The following PRKN variants were observed in gnomAD, a reference collection of about 807,000 sequenced individuals.
PRKN encodes parkin RBR E3 ubiquitin protein ligase.
Under a neutral mutation model 59.5 loss-of-function variants are expected in PRKN, and 56 were observed. That is an observed-to-expected ratio of 0.94 (90% CI 0.76 to 1.18). The LOEUF is 1.18. Ranked by LOEUF, PRKN falls within the 50% of genes most tolerant of loss-of-function variation. The pLI is 0.00. For synonymous variants in PRKN, 250 were observed against 222.1 expected, an observed-to-expected ratio of 1.13 and a Z score of -1.12; for missense variants, 657 against 596.4, an observed-to-expected ratio of 1.10 and a Z score of -1.06.
chr6:161,913,174 A>G (rs1444373538), intron 6 of PRKN, among the ~76,000 whole-genome samples: 6 of 150,914 alleles, frequency 4.0e-5, no homozygotes, highest in African/African-American at 1.5e-4. Flanking sequence ...TCTCAGGAAA[A>G]AAAAAAAAAA....
intron 6 of PRKN, among the ~76,000 whole-genome samples, chr6:161,848,422 G>A (rs986436166): frequency 3.3e-5 from 5 of 152,148 alleles, no homozygotes; most frequent in African/African-American, 1.2e-4. Flanking sequence ...AAATCAAAAT[G>A]TGTCTCTCTA....
At chr6:161,787,806 C>T (rs1293905302) in intron 6 of PRKN, among the ~76,000 whole-genome samples, 1 of 152,148 alleles carries the variant, frequency 6.6e-6, no homozygotes, top group Non-Finnish European at 1.5e-5. Context: ...ATTAGCCCGG[C>T]GTGGTGGCGG....
chr6:162,060,067 C>A (rs566041709), intron 4 of PRKN, among the ~76,000 whole-genome samples: 5 of 152,358 alleles, frequency 3.3e-5, no homozygotes, highest in Middle Eastern at 3.4e-3. Flanking sequence ...ATCACGTTTA[C>A]TGTCGGGCCC....
intron 1 of PRKN, among the ~76,000 whole-genome samples, chr6:162,582,488 T>TA (rs1409246017): frequency 6.6e-6 from 1 of 152,180 alleles, no homozygotes; most frequent in Non-Finnish European, 1.5e-5. Context: ...GTCATATAGA[T>TA]AGCCTAAGGG....
chr6:161,532,226 C>T lies in PRKN; in HGVS notation c.1083+16628G>A, dbSNP rs536471704. ...ATGTGTCTATAAGTACAAGATGCTT[C>T]TTGCAGAAAAATTTGCCTAGAGACT... On this transcript the variant is annotated intron_variant, in intron 9 of 11. Coordinates refer to ENST00000366898, the MANE Select transcript of PRKN (RefSeq NM_004562.3). 2.7e-5 allele frequency among the ~76,000 whole-genome samples: 4 copies of T among 150,564 alleles called. No individual in the cohort carries two copies. The East Asian group carries it at 7.8e-4, about 29-fold the overall frequency.
chr6:162,510,686 G>A (rs1334187817), intron 1 of PRKN, among the ~76,000 whole-genome samples: 1 of 152,134 alleles, frequency 6.6e-6, no homozygotes, highest in Non-Finnish European at 1.5e-5. Context: ...ACTTTGGGAG[G>A]CCGGGCGAGC....
chr6:162,222,465 G>A (rs533098251), intron 3 of PRKN, among the ~76,000 whole-genome samples: 1 of 152,290 alleles, frequency 6.6e-6, no homozygotes, highest in East Asian at 1.9e-4. Context: ...TCAGGGCATT[G>A]CAGGAGCCTC....
At chr6:161,910,342 C>G (rs1042269888) in intron 6 of PRKN, among the ~76,000 whole-genome samples, 1 of 152,156 alleles carries the variant, frequency 6.6e-6, no homozygotes, top group Non-Finnish European at 1.5e-5. Flanking sequence ...ACAACCTCCA[C>G]CTCCTGGGTT....
At chr6:162,658,381 A>G (rs1176662605) in intron 1 of PRKN, among the ~76,000 whole-genome samples, 1 of 152,210 alleles carries the variant, frequency 6.6e-6, no homozygotes, top group Non-Finnish European at 1.5e-5. Context: ...GATATAAGAA[A>G]GTGTGTTAGC....
intron 1 of PRKN, among the ~76,000 whole-genome samples, chr6:162,674,929 C>T (rs1487031493): frequency 6.6e-6 from 1 of 152,128 alleles, no homozygotes; most frequent in Admixed American, 6.6e-5. Context: ...AAAACGATTT[C>T]ATGGTTTTGA....
At chr6:161,723,281 A>C (rs1266336947) in intron 7 of PRKN, among the ~76,000 whole-genome samples, 1 of 152,072 alleles carries the variant, frequency 6.6e-6, no homozygotes, top group Non-Finnish European at 1.5e-5. Flanking sequence ...AAAAAAAAAA[A>C]AGTGCATGTC....
intron 6 of PRKN, among the ~76,000 whole-genome samples, chr6:161,804,085 A>C (rs1174877197): frequency 1.3e-5 from 2 of 152,188 alleles, no homozygotes; most frequent in Admixed American, 1.3e-4. Context: ...AAGTGCACGG[A>C]CGCCTCAGGG....
intron 6 of PRKN, among the ~76,000 whole-genome samples, chr6:161,966,377 G>C (rs753220037): frequency 1.3e-5 from 2 of 152,148 alleles, no homozygotes; most frequent in African/African-American, 4.8e-5. Context: ...TGTAAAGGGA[G>C]ATTGAAGGAG....
At chr6:161,663,788 C>A (rs1784631010) in intron 7 of PRKN, among the ~76,000 whole-genome samples, 1 of 152,206 alleles carries the variant, frequency 6.6e-6, no homozygotes, top group African/African-American at 2.4e-5. Context: ...TTGCCTCCTT[C>A]TTTCCTATGA....
chr6:161,816,367 G>C (rs140148673), intron 6 of PRKN, among the ~76,000 whole-genome samples: 73 of 152,160 alleles, frequency 4.8e-4, no homozygotes, highest in African/African-American at 1.7e-3. Context: ...AGGCAGAGTG[G>C]GGTGGGAGGG....
At chr6:162,231,154 C>G (rs1056410549) in intron 3 of PRKN, among the ~76,000 whole-genome samples, 1 of 152,140 alleles carries the variant, frequency 6.6e-6, no homozygotes, top group South Asian at 2.1e-4. Flanking sequence ...TCTCTCTCTC[C>G]TCTAAACTCA....
At chr6:162,201,109 T>C in intron 4 of PRKN, 22 bp downstream of exon 4, 1 of 1,612,882 alleles carries the variant, frequency 6.2e-7, no homozygotes, top group Non-Finnish European at 8.5e-7. Context: ...GGCAGTCTCA[T>C]GCTGACACTG....
intron 9 of PRKN, among the ~76,000 whole-genome samples, chr6:161,474,109 C>T (rs938965355): frequency 1.3e-5 from 2 of 152,136 alleles, no homozygotes; most frequent in African/African-American, 4.8e-5. Flanking sequence ...CCAAACTTAC[C>T]AGTAAGTCAC....
At chr6:161,408,482 CTTTTT>C (rs11313718) in intron 9 of PRKN, among the ~76,000 whole-genome samples, 1 of 133,076 alleles carries the variant, frequency 7.5e-6, no homozygotes. Flanking sequence ...CTAGGTTTTC[CTTTTT>C]TTTTTTTTTT....
Sources: gnomAD v4.1 joint callset for allele counts (sites outside exome capture counted in the v4.1 genomes callset) on GRCh38, gnomAD v4.1.1 for gene constraint, MANE v1.5 for transcripts, NCBI Gene and HGNC (gene_info 2026-07-23, HGNC 2026-07-21) for gene names.